RIMS3: variants seen among roughly 807,000 people sequenced by gnomAD.
RIMS3 encodes regulating synaptic membrane exocytosis protein 3.
A neutral mutation model predicts 29.2 loss-of-function variants in RIMS3; 15 were observed. That is an observed-to-expected ratio of 0.51 (90% CI 0.34 to 0.79). RIMS3 has a LOEUF of 0.79. Among genes scored for constraint, RIMS3 ranks in the 30% least tolerant of loss-of-function variants. The pLI, the probability that RIMS3 is intolerant of heterozygous loss-of-function variation, is 0.01. For missense variants in RIMS3, 342 were observed against 421.4 expected, an observed-to-expected ratio of 0.81 and a Z score of 1.65; for synonymous variants, 161 against 170.1, an observed-to-expected ratio of 0.95 and a Z score of 0.41.
the RIMS3 span, among the ~76,000 whole-genome samples, chr1:40,672,375 T>C: frequency 6.6e-6 from 1 of 152,028 alleles, no homozygotes; most frequent in Admixed American, 6.6e-5. Flanking sequence ...ATTTTTTGTA[T>C]TTTTAGTAGA....
At chr1:40,668,371 G>A (rs1432045082), upstream of RIMS3, among the ~76,000 whole-genome samples, 7 of 151,384 alleles carry the variant, frequency 4.6e-5, no homozygotes, top group Middle Eastern at 3.2e-3. Flanking sequence ...GCAGTGAGCT[G>A]TGATCACGCC....
At chr1:40,684,779 T>C in the RIMS3 span, among the ~76,000 whole-genome samples, 5 of 152,196 alleles carry the variant, frequency 3.3e-5, no homozygotes, top group African/African-American at 7.2e-5. Flanking sequence ...TGGATTGTTA[T>C]AGCCAGCTCC....
chr1:40,652,798 G>C (rs932997904), intron 1 of RIMS3, among the ~76,000 whole-genome samples: 3 of 152,198 alleles, frequency 2.0e-5, no homozygotes, highest in African/African-American at 4.8e-5. Context: ...CTGAGACTGA[G>C]TGCAGAATCA....
Position 40,635,770 on chromosome 1 carries a change from GA to G in RIMS3, c.359+145del. On this transcript the variant is annotated intron_variant, in intron 4 of 7. Transcript: ENST00000372684. This position sits in a 1 kb window ranked among gnomAD's most constrained non-coding sequence, Gnocchi z 4.1. ...AGGTCCAGGCACAGAGTGTTGAGGG[GA>G]GGGGTATGAAGGAAGGCAGAGACAC... 1 of 993,794 alleles carries G rather than the reference GA, an allele frequency of 1.0e-6. No individual in the cohort carries two copies. The highest frequency in any genetic ancestry group is 1.5e-6 in the Non-Finnish European group (1 of 662,780). The allele number at this position is 993,794 out of a possible 1,614,324, so 61.6% of individuals were successfully genotyped here.
the RIMS3 span, chr1:40,691,477 A>T: frequency 6.0e-5 from 18 of 297,718 alleles, no homozygotes; most frequent in South Asian, 3.4e-4. Flanking sequence ...AGGGTGGTGG[A>T]GGTCACTGGG....
At chr1:40,659,807 C>T (rs528521429) in intron 1 of RIMS3, among the ~76,000 whole-genome samples, 2 of 152,236 alleles carry the variant, frequency 1.3e-5, no homozygotes, top group East Asian at 1.9e-4. Flanking sequence ...TTGGGGACAA[C>T]ACGTGTGGAA....
At chr1:40,630,092 A>T in intron 5 of RIMS3, among the ~76,000 whole-genome samples, 1 of 150,892 alleles carries the variant, frequency 6.6e-6, no homozygotes, top group African/African-American at 2.4e-5. Flanking sequence ...AAAAAAAGAA[A>T]GAAAGAAGAA....
In RIMS3 at chr1:40,632,980, C is replaced by T. The variant is rs376138414; in HGVS notation, c.472+89G>A. On this transcript the variant is annotated intron_variant, in intron 5 of 7. Coordinates refer to ENST00000372684, the MANE Select transcript of RIMS3 (RefSeq NM_014747.3). ...AGAATTGGTGATAGAATAAACTCTA[C>T]GATGGCCAATGCAGGGCCCCCACTG... 2.5e-5 allele frequency: 24 copies of T among 967,604 alleles called. No homozygotes were observed. In the Middle Eastern group the frequency reaches 6.2e-4, roughly 25 times the overall value. 59.9% of individuals were successfully genotyped at this position (967,604 alleles called of 1,614,324 possible). A position where few individuals can be genotyped will look rare whatever the true frequency, so the allele number is the denominator to read the frequency against.
At chr1:40,637,206 CCA>C (rs1646525795) in intron 3 of RIMS3, among the ~76,000 whole-genome samples, 1 of 152,202 alleles carries the variant, frequency 6.6e-6, no homozygotes, top group South Asian at 2.1e-4. Context: ...TTCTCTCCCA[CCA>C]CACCCAATGG....
At chr1:40,628,741 ATGAAAAACT>A (rs1646469994) in intron 7 of RIMS3, 60 bp downstream of exon 7, 1 of 1,604,240 alleles carries the variant, frequency 6.2e-7, no homozygotes, top group South Asian at 1.1e-5. Flanking sequence ...TGAATCATAA[ATGAAAAACT>A]TTAAATTACA....
chr1:40,672,527 T>A, the RIMS3 span, among the ~76,000 whole-genome samples: 1 of 152,144 alleles, frequency 6.6e-6, no homozygotes, highest in South Asian at 2.1e-4. Context: ...TTCTTCTGGT[T>A]CAAACACGCA....
At chr1:40,647,211 C>G (rs979572730) in intron 2 of RIMS3, among the ~76,000 whole-genome samples, 1 of 152,082 alleles carries the variant, frequency 6.6e-6, no homozygotes, top group East Asian at 1.9e-4. Flanking sequence ...CAAGGCCGCA[C>G]AAAAGCTCAA....
At chr1:40,668,580 G>T (rs956100117), upstream of RIMS3, among the ~76,000 whole-genome samples, 3 of 150,904 alleles carry the variant, frequency 2.0e-5, no homozygotes. Context: ...GCCCTTATTC[G>T]ACACTGAAAT....
the RIMS3 span, chr1:40,681,505 C>G: frequency 5.3e-5 from 8 of 152,088 alleles, no homozygotes; most frequent in Admixed American, 2.6e-4. Flanking sequence ...CATTTCTGAG[C>G]TGGGCGACTT....
At chr1:40,644,516 T>G (rs1646581636) in intron 2 of RIMS3, among the ~76,000 whole-genome samples, 1 of 152,198 alleles carries the variant, frequency 6.6e-6, no homozygotes, top group Admixed American at 6.5e-5. Context: ...AGACAGTAAG[T>G]AACTAATTCT....
intron 1 of RIMS3, among the ~76,000 whole-genome samples, chr1:40,657,788 T>C (rs1570201174): frequency 6.7e-6 from 1 of 149,020 alleles, no homozygotes; most frequent in Non-Finnish European, 1.5e-5. Context: ...GGCATGGTGG[T>C]GTGCACCTGT....
chr1:40,637,898 A>G (rs1646531152), intron 3 of RIMS3, among the ~76,000 whole-genome samples: 2 of 152,178 alleles, frequency 1.3e-5, no homozygotes, highest in South Asian at 4.1e-4. Flanking sequence ...TAACACAATT[A>G]GAAAACAGAT....
At chr1:40,680,725 C>T in the RIMS3 span, among the ~76,000 whole-genome samples, 1 of 152,176 alleles carries the variant, frequency 6.6e-6, no homozygotes, top group African/African-American at 2.4e-5. Flanking sequence ...AGTACCCTTG[C>T]TATGTGCAAT....
At chr1:40,629,196 A>T in intron 6 of RIMS3, 75 bp downstream of exon 6, 3 of 1,304,770 alleles carry the variant, frequency 2.3e-6, no homozygotes, top group Non-Finnish European at 2.2e-6. Context: ...GGCCAGTGGG[A>T]GCTGAGGACC....
Sources: allele counts gnomAD v4.1 joint callset (sites outside exome capture counted in the v4.1 genomes callset), GRCh38; gene constraint gnomAD v4.1.1; non-coding constraint Gnocchi (gnomAD v3.1); transcripts MANE v1.5; gene names NCBI Gene and HGNC (gene_info 2026-07-23, HGNC 2026-07-21).